Variants in ATP11A observed in about 807,000 individuals in gnomAD.
The protein encoded by ATP11A is phospholipid-transporting ATPase IH.
ATP11A carries 81 observed loss-of-function variants against 154.4 expected under a neutral mutation model. The observed-to-expected ratio is 0.52, with a 90% CI of 0.44 to 0.63. The LOEUF (loss-of-function observed/expected upper bound fraction) is 0.63. Among genes scored for constraint, ATP11A ranks in the 30% least tolerant of loss-of-function variants. The pLI, the probability that ATP11A is intolerant of heterozygous loss-of-function variation, is 0.00. For missense variants in ATP11A, 1,316 were observed against 1,474.3 expected, an observed-to-expected ratio of 0.89 and a Z score of 1.76; for synonymous variants, 623 against 585.9, an observed-to-expected ratio of 1.06 and a Z score of -0.91.
intron 27 of ATP11A, among the ~76,000 whole-genome samples, chr13:112,874,734 G>A (rs2080663484): frequency 6.6e-6 from 1 of 152,176 alleles, no homozygotes; most frequent in Non-Finnish European, 1.5e-5. Flanking sequence ...AGAGATGACA[G>A]CCCAGCTTGG....
Position 112,787,622 on chromosome 13 carries a change from C to G in ATP11A, c.162+2365C>G, listed in dbSNP as rs11617988. 5.7e-3 allele frequency among the ~76,000 whole-genome samples: 653 copies of G among 115,394 alleles called. 16 individuals are homozygous for G. Among genetic ancestry groups the G allele is most frequent in the Non-Finnish European group, 9.4e-3 (528 of 56,358 alleles). The allele number at this position is 115,394 out of a possible 152,430, so 75.7% of individuals were successfully genotyped here. ...ATGCGTAGACCCCTGTGGAGACCTA[C>G]TTAATTCACACCAAGTGTCCTGATG... On this transcript the variant is annotated intron_variant, in intron 2 of 29. Coordinates refer to ENST00000375645, the MANE Select transcript of ATP11A (RefSeq NM_015205.3).
intron 1 of ATP11A, among the ~76,000 whole-genome samples, chr13:112,771,650 G>T (rs940289147): frequency 2.6e-5 from 4 of 152,172 alleles, no homozygotes; most frequent in African/African-American, 9.7e-5. Flanking sequence ...TCTTTCTGTA[G>T]TGTGAGGCCT....
intron 1 of ATP11A, among the ~76,000 whole-genome samples, chr13:112,778,675 A>AGTGAGGAGTAGCCG (rs2077410010): frequency 2.5e-5 from 1 of 39,708 alleles, no homozygotes; most frequent in African/African-American, 1.5e-4. Context: ...AGGAGTAGCC[A>AGTGAGGAGTAGCCG]CTGGAGTGAG....
At position 112,883,137 on chromosome 13, in the gene ATP11A, C is replaced by T; in HGVS notation, c.*1271C>T. 2.6e-6 allele frequency: 1 copy of T among 390,814 alleles called. No individual in the cohort carries two copies. The highest frequency in any genetic ancestry group is 4.5e-6 in the Non-Finnish European group (1 of 223,016). The allele number at this position is 390,814 out of a possible 1,614,324, so 24.2% of individuals were successfully genotyped here. A position where few individuals can be genotyped will look rare whatever the true frequency, so the allele number is the denominator to read the frequency against. Reference sequence around the variant, plus strand: ...CCCCTCGTCTCCTCATCCCCACGTCCTCTCGTCCCCTTGTCCCGTCCCCAC... The same window carrying T: ...CCCCTCGTCTCCTCATCCCCACGTCTTCTCGTCCCCTTGTCCCGTCCCCAC... On this transcript the variant is annotated 3_prime_UTR_variant, in exon 30 of 30. Transcript: ENST00000375645.
chr13:112,861,502 T>C (rs1051918064), intron 24 of ATP11A, among the ~76,000 whole-genome samples: 1 of 152,200 alleles, frequency 6.6e-6, no homozygotes, highest in Non-Finnish European at 1.5e-5. Context: ...CGTACATGTG[T>C]GTACATGACA....
chr13:112,810,609 C>CTTTTTTTAGGG lies in ATP11A; in HGVS notation c.334-7_337dup. On this transcript the variant is annotated splice_polypyrimidine_tract_variant and intron_variant, in intron 4 of 29. Transcript: ENST00000375645. ...GCTTCCTCTCTCCCTTCTTTCCTTC[C>CTTTTTTTAGGG]TTTTTTTAGGGTTATGAAGACTGGC... 2 of 1,611,122 alleles carry CTTTTTTTAGGG rather than the reference C, an allele frequency of 1.2e-6. No homozygotes were observed. The highest frequency in any genetic ancestry group is 1.7e-6 in the Non-Finnish European group (2 of 1,177,708).
chr13:112,872,116 C>T (rs2080542632), intron 26 of ATP11A, among the ~76,000 whole-genome samples: 1 of 152,204 alleles, frequency 6.6e-6, no homozygotes, highest in African/African-American at 2.4e-5. Flanking sequence ...GTAGCCCTCC[C>T]CCCAGCGCCA....
At position 112,753,172 on chromosome 13, in the gene ATP11A, T is replaced by C. The variant is rs138090823; in HGVS notation, c.40-31963T>C. Among the ~76,000 whole-genome samples, 247 of 152,310 alleles carry C rather than the reference T, an allele frequency of 1.6e-3. 2 individuals are homozygous for C. Among genetic ancestry groups the C allele is most frequent in the African/African-American group, 5.6e-3 (234 of 41,552 alleles). ...TCCGTCCCTTTGTACCTGCGTGTTA[T>C]GTGGATGGCGTGCATGTGTCTGCAC... On this transcript the variant is annotated intron_variant, in intron 1 of 29. Coordinates refer to ENST00000375645, the MANE Select transcript of ATP11A (RefSeq NM_015205.3). The surrounding 1 kb of genome is among the most constrained non-coding windows in gnomAD (Gnocchi z 4.1).
chr13:112,868,228 G>T (rs77566176), intron 25 of ATP11A, among the ~76,000 whole-genome samples: 2 of 152,232 alleles, frequency 1.3e-5, no homozygotes, highest in Admixed American at 1.3e-4. Flanking sequence ...AGCGGTCCGC[G>T]TATGGGCCAG....
chr13:112,854,501 C>G lies in ATP11A; in HGVS notation c.2214C>G (p.Ser738Arg), dbSNP rs775318504. 3.1e-6 allele frequency: 5 copies of G among 1,611,390 alleles called. No homozygotes were observed. The African/African-American group carries it at 6.7e-5, about 21-fold the overall frequency. The change falls in exon 19 of 30, where the codon AGC becomes AGG. Residue 738 changes from serine (S) to arginine (R), a missense_variant. Physicochemically the swap from Ser to Arg is moderately radical, Grantham distance 110. Coordinates refer to ENST00000375645, the MANE Select transcript of ATP11A (RefSeq NM_015205.3). ...TGAGCAAGACGGTCCTGCGCCACAGCGGGAGCCTGACCAGAGACAACCTGT... is the reference window on the plus strand; with the variant it reads ...TGAGCAAGACGGTCCTGCGCCACAGGGGGAGCCTGACCAGAGACAACCTGT... ...FELSKTVLRH[S>R]GSLTRDNLSG... is the part of the protein sequence containing the mutation.
chr13:112,699,426 A>G (rs1566344706), intron 1 of ATP11A, among the ~76,000 whole-genome samples: 1 of 152,186 alleles, frequency 6.6e-6, no homozygotes, highest in Non-Finnish European at 1.5e-5. Flanking sequence ...AAAATAAGTC[A>G]CTTTTTCCTG....
At chr13:112,796,306 A>G (rs1242685702) in intron 2 of ATP11A, among the ~76,000 whole-genome samples, 3 of 152,250 alleles carry the variant, frequency 2.0e-5, no homozygotes, top group African/African-American at 7.2e-5. Flanking sequence ...CCTGATCCCC[A>G]GAACCTCTGA....
At chr13:112,862,970 C>T (rs1407669107) in intron 25 of ATP11A, among the ~76,000 whole-genome samples, 1 of 148,078 alleles carries the variant, frequency 6.8e-6, no homozygotes, top group Non-Finnish European at 1.5e-5. Flanking sequence ...GATCCATCAC[C>T]ACGTGCACAG....
chr13:112,853,987 A>C (rs2079849370), intron 18 of ATP11A, among the ~76,000 whole-genome samples: 1 of 152,168 alleles, frequency 6.6e-6, no homozygotes, highest in African/African-American at 2.4e-5. Context: ...CTACACACAA[A>C]ACCGCCAGGC....
rs1304781277 is a variant in ATP11A at position 112,860,312 on chromosome 13, C to G, written c.2753C>G (p.Thr918Ser). ...ACTTTGTACGACACCGCGTATCTGA[C>G]CCTCTACAACATCAGCTTCACCTCC... is the stretch of plus-strand genomic sequence containing the variant. ...QQTLYDTAYL[T>S]LYNISFTSLP... The change falls in exon 24 of 30, where the codon ACC becomes AGC. Residue 918 changes from threonine to serine, a missense_variant. Around this residue, in one of 5 missense-constraint regions of ATP11A, gnomAD observed 294 missense variants for 290.2 expected, o/e 1.01. Coordinates refer to ENST00000375645, the MANE Select transcript of ATP11A (RefSeq NM_015205.3). 6.2e-7 allele frequency: 1 copy of G among 1,614,158 alleles called. No homozygotes were observed. Among genetic ancestry groups the G allele is most frequent in the Non-Finnish European group, 8.5e-7 (1 of 1,180,028 alleles).
intron 1 of ATP11A, among the ~76,000 whole-genome samples, chr13:112,724,807 C>G (rs1889634157): frequency 6.6e-6 from 1 of 152,156 alleles, no homozygotes; most frequent in African/African-American, 2.4e-5. Context: ...GTGGGAAATT[C>G]CAAGGGTCCT....
chr13:112,758,004 C>T (rs116420038), intron 1 of ATP11A, among the ~76,000 whole-genome samples: 1,553 of 152,298 alleles, frequency 0.01, 29 homozygotes, highest in African/African-American at 0.034. Context: ...TGCACGAGTG[C>T]GGGACACATG....
At chr13:112,787,065 G>A (rs1594689550) in intron 2 of ATP11A, among the ~76,000 whole-genome samples, 1 of 144,366 alleles carries the variant, frequency 6.9e-6, no homozygotes, top group Non-Finnish European at 1.5e-5. Context: ...CACACCGGGT[G>A]TCCTGATGCG....
chr13:112,823,218 T>C, intron 8 of ATP11A, 127 bp from the exon 9 acceptor site: 2 of 727,936 alleles, frequency 2.7e-6, no homozygotes, highest in Non-Finnish European at 4.9e-6. Context: ...CAAACCTCCG[T>C]GTATGCCATC....
Sources: gnomAD v4.1 joint callset for allele counts (sites outside exome capture counted in the v4.1 genomes callset) on GRCh38, gnomAD v4.1.1 for gene constraint, gnomAD v4.1.1 regional missense constraint, Gnocchi (gnomAD v3.1) non-coding constraint, MANE v1.5 for transcripts, NCBI Gene and HGNC (gene_info 2026-07-23, HGNC 2026-07-21) for gene names.